Variants in ARID4B observed in about 807,000 individuals in gnomAD.
The protein encoded by ARID4B is AT-rich interaction domain 4B, also known as AT-rich interactive domain-containing protein 4B.
ARID4B carries 26 observed loss-of-function variants against 147.5 expected under a neutral mutation model. The ratio of observed to expected loss-of-function variants is 0.18; its 90% CI spans 0.13 to 0.24. ARID4B has a LOEUF of 0.24. Ranked by LOEUF, ARID4B falls within the 10% of genes least tolerant of loss-of-function variation. ARID4B has a pLI of 1.00. For synonymous variants in ARID4B, 512 were observed against 507.9 expected (o/e 1.01, Z -0.11); for missense variants, 1,179 against 1,511.5 (o/e 0.78, Z 3.65).
At chr1:235,213,665 A>T in intron 17 of ARID4B, 104 bp downstream of exon 17, 1 of 1,280,382 alleles carries the variant, frequency 7.8e-7, no homozygotes, top group Non-Finnish European at 1.1e-6. Flanking sequence ...CTATGACCTC[A>T]ATTAGAATAC....
At chr1:235,191,087 A>G (rs1230339159) in intron 19 of ARID4B, among the ~76,000 whole-genome samples, 2 of 152,126 alleles carry the variant, frequency 1.3e-5, no homozygotes, top group Non-Finnish European at 2.9e-5. Context: ...TACCTAGATC[A>G]GCTAATGACA....
chr1:235,176,436 C>CAAAAAAAAA, intron 21 of ARID4B, among the ~76,000 whole-genome samples: 1 of 36,520 alleles, frequency 2.7e-5, no homozygotes, highest in Non-Finnish European at 4.9e-5. Context: ...AACAACATCA[C>CAAAAAAAAA]CAAAAAAAAA....
intron 7 of ARID4B, among the ~76,000 whole-genome samples, chr1:235,242,282 G>T (rs1018567092): frequency 6.6e-6 from 1 of 151,744 alleles, no homozygotes; most frequent in Admixed American, 6.6e-5. Flanking sequence ...TACTTCAATG[G>T]CACTTAAAGA....
intron 2 of ARID4B, among the ~76,000 whole-genome samples, chr1:235,273,405 T>C (rs1219451426): frequency 6.6e-6 from 1 of 152,232 alleles, no homozygotes; most frequent in Non-Finnish European, 1.5e-5. Context: ...GATGATGGTT[T>C]ATTTTTATGT....
chr1:235,307,430 G>A (rs1224218823), intron 2 of ARID4B, among the ~76,000 whole-genome samples: 3 of 152,080 alleles, frequency 2.0e-5, no homozygotes, highest in Non-Finnish European at 2.9e-5. Flanking sequence ...AAGTGACAGA[G>A]CTAGGCCCTG....
chr1:235,303,278 A>C (rs576896815), intron 2 of ARID4B, among the ~76,000 whole-genome samples: 1 of 152,010 alleles, frequency 6.6e-6, no homozygotes, highest in Non-Finnish European at 1.5e-5. Context: ...CAAAATTTGT[A>C]TTCCTGAATT....
intron 3 of ARID4B, among the ~76,000 whole-genome samples, chr1:235,258,362 A>G (rs1156961374): frequency 6.6e-6 from 1 of 152,140 alleles, no homozygotes; most frequent in South Asian, 2.1e-4. Flanking sequence ...CAAAAAACAG[A>G]AAGTGTAAGT....
chr1:235,202,122 T>C (rs1485765349), intron 17 of ARID4B, among the ~76,000 whole-genome samples: 1 of 151,482 alleles, frequency 6.6e-6, no homozygotes, highest in Non-Finnish European at 1.5e-5. Context: ...CAAATCATAA[T>C]TGGCCTTTTC....
chr1:235,300,556 T>C (rs946119547), intron 2 of ARID4B, among the ~76,000 whole-genome samples: 7 of 152,168 alleles, frequency 4.6e-5, no homozygotes. Flanking sequence ...ATCATGAAGA[T>C]TAAATGAGAT....
intron 2 of ARID4B, among the ~76,000 whole-genome samples, chr1:235,292,344 T>C (rs1672391996): frequency 6.6e-6 from 1 of 152,210 alleles, no homozygotes; most frequent in South Asian, 2.1e-4. Context: ...CTGGGTGCAG[T>C]GGCTCACGCC....
At chr1:235,275,497 C>CT (rs1671265042) in intron 2 of ARID4B, among the ~76,000 whole-genome samples, 1 of 152,182 alleles carries the variant, frequency 6.6e-6, no homozygotes, top group Non-Finnish European at 1.5e-5. Flanking sequence ...CTCTGAGTGA[C>CT]TGAGAGAATA....
intron 2 of ARID4B, among the ~76,000 whole-genome samples, chr1:235,306,856 C>T (rs546000309): frequency 1.3e-5 from 2 of 152,104 alleles, no homozygotes; most frequent in East Asian, 1.9e-4. Context: ...CAGGGTTTCG[C>T]GATGTTGGCC....
chr1:235,180,146 T>TTC (rs1664218032), intron 20 of ARID4B: 1 of 144,060 alleles, frequency 6.9e-6, no homozygotes, highest in Non-Finnish European at 1.5e-5. Context: ...TCTTTTTTTT[T>TTC]TTTTTTTTTT....
intron 2 of ARID4B, among the ~76,000 whole-genome samples, chr1:235,302,968 T>C (rs537054340): frequency 2.1e-3 from 322 of 151,654 alleles, no homozygotes; most frequent in African/African-American, 7.4e-3. Flanking sequence ...CTCTGTCGCC[T>C]AGGCTGGAGT....
chr1:235,296,383 A>G (rs1260913008), intron 2 of ARID4B: 1 of 152,232 alleles, frequency 6.6e-6, no homozygotes, highest in African/African-American at 2.4e-5. Context: ...TTTTCACCAT[A>G]AAATAAATAA....
intron 17 of ARID4B, among the ~76,000 whole-genome samples, chr1:235,208,395 C>G (rs1339063307): frequency 6.6e-6 from 1 of 151,844 alleles, no homozygotes; most frequent in African/African-American, 2.4e-5. Context: ...AAATAGAGAG[C>G]CTACTATTAA....
intron 22 of ARID4B, 103 bp from the exon 23 acceptor site, chr1:235,172,867 T>A: frequency 1.0e-6 from 1 of 976,710 alleles, no homozygotes; most frequent in Non-Finnish European, 1.4e-6. Context: ...TTGAGGCAGA[T>A]GAACTAAAAA....
rs115322035 is a variant in ARID4B, at chr1:235,310,961, G to A, written c.6+15953C>T. On this transcript the variant is annotated intron_variant, in intron 2 of 23. Transcript: ENST00000264183. ...GCTGGGATTACAGGTATAAGCCACC[G>A]CACCCGGCCCCCAAAATTAACCTGT... Among the ~76,000 whole-genome samples the A allele has an allele frequency of 7.0e-3, 1,072 of 152,118 alleles. 16 individuals are homozygous for A. The highest frequency in any genetic ancestry group is 0.024 in the African/African-American group (991 of 41,470).
intron 16 of ARID4B, among the ~76,000 whole-genome samples, chr1:235,215,547 A>ATG (rs370429662): frequency 0.13 from 18,150 of 136,310 alleles, 1,260 homozygotes; most frequent in African/African-American, 0.19. Flanking sequence ...ACACATATAT[A>ATG]TGTGTGTGTG....
Sources: gnomAD v4.1 joint callset for allele counts (sites outside exome capture counted in the v4.1 genomes callset) on GRCh38, gnomAD v4.1.1 for gene constraint, MANE v1.5 for transcripts, NCBI Gene and HGNC (gene_info 2026-07-23, HGNC 2026-07-21) for gene names.